The following ANKRD12 variants were observed in gnomAD, a reference collection of about 807,000 sequenced individuals.
The protein encoded by ANKRD12 is ankyrin repeat domain-containing protein 12.
ANKRD12 carries 85 observed loss-of-function variants against 183.4 expected under a neutral mutation model. The observed-to-expected ratio is 0.46, with a 90% CI of 0.39 to 0.56. The LOEUF (loss-of-function observed/expected upper bound fraction) is 0.56, where lower values mean the gene tolerates loss of function less well. Ranked by LOEUF, ANKRD12 falls within the 20% of genes least tolerant of loss-of-function variation. The pLI is 0.00. For synonymous variants in ANKRD12, 914 were observed against 800.2 expected (o/e 1.14, Z -2.40); for missense variants, 2,405 against 2,357.1 (o/e 1.02, Z -0.42).
chr18:9,259,467 C>G (rs1277713868), intron 9 of ANKRD12: 1 of 149,344 alleles, frequency 6.7e-6, no homozygotes, highest in Non-Finnish European at 1.5e-5. Context: ...TATGCAGACT[C>G]TATATAAACA....
In ANKRD12 at chr18:9,284,158, A is replaced by G. The variant is rs1226801003; in HGVS notation, c.*3032A>G. 6.6e-6 allele frequency: 1 copy of G among 152,248 alleles called. No homozygotes were observed. The highest frequency in any genetic ancestry group is 2.4e-5 in the African/African-American group (1 of 41,474). 9.4% of individuals were successfully genotyped at this position (152,248 alleles called of 1,614,324 possible). On this transcript the variant is annotated 3_prime_UTR_variant, in exon 13 of 13. Transcript: ENST00000262126. ...CACATGCTGTTGGAAAAAGAGCACC[A>G]ATAGACTTGCTTGAAGCAGGGTTGC... is the stretch of plus-strand genomic sequence containing the variant.
At chr18:9,180,865 G>A (rs1467649520) in intron 1 of ANKRD12, among the ~76,000 whole-genome samples, 1 of 152,108 alleles carries the variant, frequency 6.6e-6, no homozygotes, top group African/African-American at 2.4e-5. Flanking sequence ...CTAACAACTT[G>A]CTTTGCTTCA....
chr18:9,240,570 C>T (rs1598658521), intron 8 of ANKRD12, among the ~76,000 whole-genome samples: 1 of 152,202 alleles, frequency 6.6e-6, no homozygotes, highest in African/African-American at 2.4e-5. Context: ...CTTTGCCAGA[C>T]ACTGGTTTTA....
At chr18:9,203,111 A>G (rs1174028154) in intron 3 of ANKRD12, among the ~76,000 whole-genome samples, 1 of 152,054 alleles carries the variant, frequency 6.6e-6, no homozygotes, top group Non-Finnish European at 1.5e-5. Context: ...GTCAAATATT[A>G]TTTTTCATGA....
intron 8 of ANKRD12, among the ~76,000 whole-genome samples, chr18:9,250,992 G>T (rs9676171): frequency 6.6e-6 from 1 of 151,848 alleles, no homozygotes; most frequent in Non-Finnish European, 1.5e-5. Flanking sequence ...TTTGTTTTTT[G>T]TTTCTTTTTT....
intron 2 of ANKRD12, among the ~76,000 whole-genome samples, chr18:9,187,892 G>A (rs1445769643): frequency 6.6e-6 from 1 of 152,096 alleles, no homozygotes; most frequent in African/African-American, 2.4e-5. Context: ...GTGTAGTTCA[G>A]ACATTCATTA....
intron 3 of ANKRD12, among the ~76,000 whole-genome samples, chr18:9,201,772 A>G (rs940220069): frequency 5.3e-5 from 8 of 151,754 alleles, no homozygotes; most frequent in African/African-American, 1.7e-4. Flanking sequence ...TTTTCTTTGA[A>G]TAATTGTTTC....
At chr18:9,227,875 T>C (rs2036814560) in intron 8 of ANKRD12, among the ~76,000 whole-genome samples, 1 of 152,186 alleles carries the variant, frequency 6.6e-6, no homozygotes, top group Admixed American at 6.5e-5. Context: ...ATAGTCACCT[T>C]AATCTGCTAT....
chr18:9,221,992 T>C lies in ANKRD12; in HGVS notation c.936T>C (p.Ser312=). The C allele has an allele frequency of 6.2e-7, 1 of 1,613,780 alleles. No homozygotes were observed. The part of the protein sequence containing the change: ...REVPLSDDDE[S]YTDSEEAQSV... ...TGCCTTTATCTGATGATGATGAAAG[T>C]TACACAGGTTTGTTTCAGATAATCT... is the stretch of plus-strand genomic sequence containing the variant. Residue 312 remains serine (S), a synonymous_variant, in exon 8 of 13, where the codon AGT becomes AGC. Coordinates refer to ENST00000262126, the MANE Select transcript of ANKRD12 (RefSeq NM_015208.5).
intron 1 of ANKRD12, among the ~76,000 whole-genome samples, chr18:9,176,990 G>T (rs535421560): frequency 5.3e-5 from 8 of 152,208 alleles, no homozygotes; most frequent in Non-Finnish European, 1.0e-4. Context: ...TGTTTGGTCT[G>T]TAAGGAGCAA....
intron 2 of ANKRD12, among the ~76,000 whole-genome samples, chr18:9,185,970 G>A (rs915781283): frequency 6.6e-6 from 1 of 152,198 alleles, no homozygotes; most frequent in Non-Finnish European, 1.5e-5. Context: ...GTATAGTGAA[G>A]ATTATATTTG....
At position 9,254,298 on chromosome 18, in the gene ANKRD12, G is replaced by C. The variant is rs759485854; in HGVS notation, c.1031G>C (p.Ser344Thr). The change falls in exon 9 of 13, where the codon AGT becomes ACT. Residue 344 changes from serine (S) to threonine (T), a missense_variant. Physicochemically the swap from Ser to Thr is moderately conservative, Grantham distance 58 (BLOSUM62 1). Coordinates refer to ENST00000262126, the MANE Select transcript of ANKRD12 (RefSeq NM_015208.5). Reference sequence around the variant, plus strand: ...GAGAAAGACTCTCTCATCTGTGAAAGTAAACAGATACTTCCCAGTAAAACA... The same window carrying C: ...GAGAAAGACTCTCTCATCTGTGAAACTAAACAGATACTTCCCAGTAAAACA... ...ETEKDSLICE[S>T]KQILPSKTPL... 24 of 1,612,234 alleles carry C rather than the reference G, an allele frequency of 1.5e-5. No individual in the cohort carries two copies. Among genetic ancestry groups the C allele is most frequent in the Non-Finnish European group, 1.4e-5 (17 of 1,179,298 alleles).
intron 1 of ANKRD12, among the ~76,000 whole-genome samples, chr18:9,179,103 A>C (rs1218062876): frequency 6.6e-6 from 1 of 152,170 alleles, no homozygotes; most frequent in Non-Finnish European, 1.5e-5. Flanking sequence ...ATGTAGAAAT[A>C]ATTTTTATAT....
chr18:9,185,621 T>C (rs1031008267), intron 2 of ANKRD12, among the ~76,000 whole-genome samples: 4 of 152,152 alleles, frequency 2.6e-5, no homozygotes, highest in Non-Finnish European at 5.9e-5. Flanking sequence ...GAAATAAATA[T>C]ATGAGGATAT....
In ANKRD12 at chr18:9,241,508, C is replaced by T. The variant is rs539072737; in HGVS notation, c.944-12703C>T. ...GCTACCTCCTTGATTAAGCCTATTT[C>T]TGAGGTTGTTGAATAGCAGCAAGCA... On this transcript the variant is annotated intron_variant, in intron 8 of 12. Transcript: ENST00000262126. Among the ~76,000 whole-genome samples the T allele has an allele frequency of 3.3e-5, 5 of 152,234 alleles. No individual in the cohort carries two copies. In the South Asian group the frequency reaches 1.0e-3, roughly 32 times the overall value.
At position 9,224,139 on chromosome 18, in the gene ANKRD12, G is replaced by A. The variant is rs994422160; in HGVS notation, c.943+2140G>A. Among the ~76,000 whole-genome samples, 5 of 152,292 alleles carry A rather than the reference G, an allele frequency of 3.3e-5. 1 individual carries two copies. The South Asian group carries it at 8.3e-4, about 25-fold the overall frequency. ...AGCAAATCTAATTAAGGAAAAGTGA[G>A]TGGAAATCCATAAACATCACTGATG... On this transcript the variant is annotated intron_variant, in intron 8 of 12. Transcript: ENST00000262126.
At chr18:9,254,147 A>G (rs2038459794) in intron 8 of ANKRD12, 64 bp from the exon 9 acceptor site, 8 of 1,439,204 alleles carry the variant, frequency 5.6e-6, no homozygotes, top group African/African-American at 1.4e-5. Context: ...TCAGAAAAAA[A>G]AATTATTTTT....
intron 8 of ANKRD12, among the ~76,000 whole-genome samples, chr18:9,231,366 G>A (rs893811577): frequency 1.3e-5 from 2 of 152,010 alleles, no homozygotes; most frequent in Admixed American, 1.3e-4. Context: ...CGTTACTATT[G>A]TATTGGAGTC....
intron 10 of ANKRD12, among the ~76,000 whole-genome samples, chr18:9,273,182 C>T (rs1035656024): frequency 2.0e-5 from 3 of 152,280 alleles, no homozygotes; most frequent in South Asian, 2.1e-4. Context: ...GGCACAAGTC[C>T]GTAGCAAATA....
Sources: gnomAD v4.1 joint callset for allele counts (sites outside exome capture counted in the v4.1 genomes callset) on GRCh38, gnomAD v4.1.1 for gene constraint, MANE v1.5 for transcripts, NCBI Gene and HGNC (gene_info 2026-07-23, HGNC 2026-07-21) for gene names.